AGPAT4: variants seen among roughly 807,000 people sequenced by gnomAD.
The protein encoded by AGPAT4 is 1-acyl-sn-glycerol-3-phosphate acyltransferase delta.
Under a neutral mutation model 48.0 loss-of-function variants are expected in AGPAT4, and 15 were observed. That is an observed-to-expected ratio of 0.31 (90% CI 0.21 to 0.48). The LOEUF is 0.48. Among genes scored for constraint, AGPAT4 ranks in the 20% least tolerant of loss-of-function variants. AGPAT4 has a pLI of 0.99. For synonymous variants in AGPAT4, 178 were observed against 198.7 expected (o/e 0.90, Z 0.88); for missense variants, 314 against 482.5 (o/e 0.65, Z 3.27).
rs6906489 is a variant in AGPAT4, at chr6:161,232,407, T to C, written c.-89-105A>G. ...AAATATACACTTGAGGTTAAACTCA[T>C]GTGCGTTAGTTGATTTATCTTTATT... is the stretch of plus-strand genomic sequence containing the variant. On this transcript the variant is annotated intron_variant, in intron 1 of 8. Coordinates refer to ENST00000320285, the MANE Select transcript of AGPAT4 (RefSeq NM_020133.3). This position sits in a 1 kb window ranked among gnomAD's most constrained non-coding sequence, Gnocchi z 6.8. 27,965 of 559,968 alleles carry C rather than the reference T, an allele frequency of 0.05. 943 individuals carry two copies. The highest frequency in any genetic ancestry group is 0.097 in the African/African-American group (5,173 of 53,364). The allele number at this position is 559,968 out of a possible 1,614,324, so 34.7% of individuals were successfully genotyped here.
At chr6:161,253,138 C>T (rs1285482436) in intron 1 of AGPAT4, among the ~76,000 whole-genome samples, 1 of 145,210 alleles carries the variant, frequency 6.9e-6, no homozygotes, top group African/African-American at 2.5e-5. Flanking sequence ...TCTTGAACCC[C>T]GGAGGTGGAG....
chr6:161,237,666 ACTATAT>A (rs1782327964), intron 1 of AGPAT4, among the ~76,000 whole-genome samples: 1 of 152,256 alleles, frequency 6.6e-6, no homozygotes, highest in Non-Finnish European at 1.5e-5. Context: ...TAAATCTATT[ACTATAT>A]CTATAACTAT....
chr6:161,161,185 T>C lies in AGPAT4; in HGVS notation c.348+5063A>G, dbSNP rs1472172615. ...TCAGACTCTGGCTTGTTAAAGACAC[T>C]GCCAGAGGATCCTGGTCAACAAAGA... is the stretch of plus-strand genomic sequence containing the variant. On this transcript the variant is annotated intron_variant, in intron 3 of 8. Coordinates refer to ENST00000320285, the MANE Select transcript of AGPAT4 (RefSeq NM_020133.3). The surrounding 1 kb of genome is among the most constrained non-coding windows in gnomAD (Gnocchi z 4.6). 1 of 456,710 alleles carries C rather than the reference T, an allele frequency of 2.2e-6. No individual in the cohort carries two copies. The highest frequency in any genetic ancestry group is 4.4e-6 in the Non-Finnish European group (1 of 226,958). The allele number at this position is 456,710 out of a possible 1,614,324, so 28.3% of individuals were successfully genotyped here.
At chr6:161,230,081 T>C (rs1394096601) in intron 2 of AGPAT4, among the ~76,000 whole-genome samples, 1 of 152,234 alleles carries the variant, frequency 6.6e-6, no homozygotes, top group Non-Finnish European at 1.5e-5. Flanking sequence ...TCTGCCTTGC[T>C]TTCTGAATTT....
At position 161,242,740 on chromosome 6, in the gene AGPAT4, A is replaced by G. The variant is rs1782528700; in HGVS notation, c.-89-10438T>C. On this transcript the variant is annotated intron_variant, in intron 1 of 8. Transcript: ENST00000320285. This position sits in a 1 kb window ranked among gnomAD's most constrained non-coding sequence, Gnocchi z 5.0. The stretch of plus-strand genomic sequence containing the variant: ...AGAAATGAAAAAAATTAATCTTCCA[A>G]ACAGGGGAAACGTCCACAACATTAT... Among the ~76,000 whole-genome samples the G allele has an allele frequency of 2.6e-5, 4 of 152,316 alleles. No individual in the cohort carries two copies. In the South Asian group the frequency reaches 8.3e-4, roughly 32 times the overall value.
intron 5 of AGPAT4, 83 bp downstream of exon 5, chr6:161,153,263 G>A: frequency 6.6e-7 from 1 of 1,505,674 alleles, no homozygotes; most frequent in Non-Finnish European, 8.9e-7. Flanking sequence ...AGTGCTGGCA[G>A]GAAGCAAGCT....
At position 161,234,671 on chromosome 6, in the gene AGPAT4, C is replaced by T. The variant is rs1482998757; in HGVS notation, c.-89-2369G>A. On this transcript the variant is annotated intron_variant, in intron 1 of 8. Coordinates refer to ENST00000320285, the MANE Select transcript of AGPAT4 (RefSeq NM_020133.3). The surrounding 1 kb of genome is among the most constrained non-coding windows in gnomAD (Gnocchi z 4.4). ...TTGTCCCCGGATTAGCCACTAATAGCGTCAAGACAATCTGGCCAGGCCAAG... is the reference window on the plus strand; with the variant it reads ...TTGTCCCCGGATTAGCCACTAATAGTGTCAAGACAATCTGGCCAGGCCAAG... Among the ~76,000 whole-genome samples the T allele has an allele frequency of 1.3e-5, 2 of 152,054 alleles. No individual in the cohort carries two copies. Among genetic ancestry groups the T allele is most frequent in the South Asian group, 2.1e-4 (1 of 4,816 alleles).
rs369950889 is a variant in AGPAT4 at position 161,149,327 on chromosome 6, G to A, written c.665-38C>T. ...AAACAAATACAAAGCAGTATATAGCGTGTGAACCCAATTTTGTTCTGTAGA... is the reference window on the plus strand; with the variant it reads ...AAACAAATACAAAGCAGTATATAGCATGTGAACCCAATTTTGTTCTGTAGA... On this transcript the variant is annotated intron_variant, in intron 5 of 8. Transcript: ENST00000320285. The surrounding 1 kb of genome is among the most constrained non-coding windows in gnomAD (Gnocchi z 6.5). The A allele has an allele frequency of 6.0e-5, 94 of 1,560,302 alleles. No individual in the cohort carries two copies. Among genetic ancestry groups the A allele is most frequent in the Non-Finnish European group, 7.3e-5 (85 of 1,158,896 alleles).
rs1047329504 is a variant in AGPAT4 at position 161,208,361 on chromosome 6, C to G, written c.178+23675G>C. Among the ~76,000 whole-genome samples the G allele has an allele frequency of 1.3e-5, 2 of 152,136 alleles. No homozygotes were observed. The highest frequency in any genetic ancestry group is 2.9e-5 in the Non-Finnish European group (2 of 68,028). On this transcript the variant is annotated intron_variant, in intron 2 of 8. Coordinates refer to ENST00000320285, the MANE Select transcript of AGPAT4 (RefSeq NM_020133.3). This position sits in a 1 kb window ranked among gnomAD's most constrained non-coding sequence, Gnocchi z 4.6. Reference sequence around the variant, plus strand: ...CATCTTTCTGGCTTTGGCAAGATCTCCCTTTTGTTCCCACCTTGAAGGCTT... The same window carrying G: ...CATCTTTCTGGCTTTGGCAAGATCTGCCTTTTGTTCCCACCTTGAAGGCTT...
chr6:161,149,597 A>G lies in AGPAT4; in HGVS notation c.665-308T>C, dbSNP rs777418044. Among the ~76,000 whole-genome samples, 17 of 151,468 alleles carry G rather than the reference A, an allele frequency of 1.1e-4. No homozygotes were observed. Among genetic ancestry groups the G allele is most frequent in the Non-Finnish European group, 2.4e-4 (16 of 67,928 alleles). ...GTCTCACTCTGTCACCCAGGAGTGC[A>G]GTGGTGCAATCTCGGCTCACTACAA... On this transcript the variant is annotated intron_variant, in intron 5 of 8. Transcript: ENST00000320285. This position sits in a 1 kb window ranked among gnomAD's most constrained non-coding sequence, Gnocchi z 6.5.
rs919199622 is a variant in AGPAT4, at chr6:161,184,133, G to A, written c.179-17716C>T. Among the ~76,000 whole-genome samples the A allele has an allele frequency of 6.6e-6, 1 of 152,080 alleles. No individual in the cohort carries two copies. The highest frequency in any genetic ancestry group is 1.5e-5 in the Non-Finnish European group (1 of 68,024). On this transcript the variant is annotated intron_variant, in intron 2 of 8. Transcript: ENST00000320285. The surrounding 1 kb of genome is among the most constrained non-coding windows in gnomAD (Gnocchi z 4.8). ...GAACTGGGGACACATTTCAGAGCAT[G>A]ACTTTGGCTGCTGTGTGGAGAAAGA... is the stretch of plus-strand genomic sequence containing the variant.
chr6:161,232,333 A>G lies in AGPAT4; in HGVS notation c.-89-31T>C. 9.9e-7 allele frequency: 1 copy of G among 1,011,194 alleles called. No homozygotes were observed. Among genetic ancestry groups the G allele is most frequent in the Non-Finnish European group, 1.4e-6 (1 of 707,888 alleles). The allele number at this position is 1,011,194 out of a possible 1,614,324, so 62.6% of individuals were successfully genotyped here. On this transcript the variant is annotated intron_variant, in intron 1 of 8. Coordinates refer to ENST00000320285, the MANE Select transcript of AGPAT4 (RefSeq NM_020133.3). The surrounding 1 kb of genome is among the most constrained non-coding windows in gnomAD (Gnocchi z 6.8). ...ACACAAACAAATAGGAAATGTTAGC[A>G]AAAACACGATGTGCTTTTAGAGTCA... is the stretch of plus-strand genomic sequence containing the variant.
At position 161,270,384 on chromosome 6, in the gene AGPAT4, G is replaced by A. The variant is rs1783387351; in HGVS notation, c.-90+3554C>T. 6.6e-6 allele frequency among the ~76,000 whole-genome samples: 1 copy of A among 152,152 alleles called. No homozygotes were observed. The highest frequency in any genetic ancestry group is 1.9e-4 in the East Asian group (1 of 5,192). On this transcript the variant is annotated intron_variant, in intron 1 of 8. Transcript: ENST00000320285. The surrounding 1 kb of genome is among the most constrained non-coding windows in gnomAD (Gnocchi z 5.3). ...ATGAATTTGAGTTGCCCAAGCTCTA[G>A]GAAATGTTACATGATTATTATGATT...
In AGPAT4 at chr6:161,236,429, CT is replaced by C. The variant is rs1782277354; in HGVS notation, c.-89-4128del. 6.6e-6 allele frequency among the ~76,000 whole-genome samples: 1 copy of C among 152,144 alleles called. No individual in the cohort carries two copies. Among genetic ancestry groups the C allele is most frequent in the Non-Finnish European group, 1.5e-5 (1 of 68,016 alleles). On this transcript the variant is annotated intron_variant, in intron 1 of 8. Coordinates refer to ENST00000320285, the MANE Select transcript of AGPAT4 (RefSeq NM_020133.3). This position sits in a 1 kb window ranked among gnomAD's most constrained non-coding sequence, Gnocchi z 5.0. ...AGTGAGCTCAGAAGCAGCGTTTAAC[CT>C]TTACTTTTTCCTGAAATTCACCCCA...
chr6:161,244,661 T>C lies in AGPAT4; in HGVS notation c.-89-12359A>G, dbSNP rs1182620896. Among the ~76,000 whole-genome samples the C allele has an allele frequency of 6.6e-6, 1 of 152,126 alleles. No homozygotes were observed. The highest frequency in any genetic ancestry group is 1.5e-5 in the Non-Finnish European group (1 of 68,006). ...ATAATACTGAACCACCAAACAGAGA[T>C]AGCGAACTGCATTCTCTGACATCTC... On this transcript the variant is annotated intron_variant, in intron 1 of 8. Transcript: ENST00000320285. This position sits in a 1 kb window ranked among gnomAD's most constrained non-coding sequence, Gnocchi z 4.7.
rs568261816 is a variant in AGPAT4, at chr6:161,206,062, G to T, written c.178+25974C>A. The stretch of plus-strand genomic sequence containing the variant: ...TGTACTCGTATGTTTTTTCAAGCCC[G>T]TGCGATGTAGACAAAAAAAGCCCCA... On this transcript the variant is annotated intron_variant, in intron 2 of 8. Transcript: ENST00000320285. This position sits in a 1 kb window ranked among gnomAD's most constrained non-coding sequence, Gnocchi z 4.8. Among the ~76,000 whole-genome samples the T allele has an allele frequency of 6.6e-6, 1 of 152,034 alleles. No individual in the cohort carries two copies. The highest frequency in any genetic ancestry group is 2.4e-5 in the African/African-American group (1 of 41,384).
Position 161,146,186 on chromosome 6 carries a change from A to T in AGPAT4, c.843+338T>A, listed in dbSNP as rs1030607768. Among the ~76,000 whole-genome samples, 8 of 151,536 alleles carry T rather than the reference A, an allele frequency of 5.3e-5. No individual in the cohort carries two copies. Among genetic ancestry groups the T allele is most frequent in the Admixed American group, 5.2e-4 (8 of 15,260 alleles). ...ACAACCAAATTGTTGATCCAGAAGC[A>T]ATCAAGACCATGTCCATTGCTGCGG... On this transcript the variant is annotated intron_variant, in intron 7 of 8. Transcript: ENST00000320285. The surrounding 1 kb of genome is among the most constrained non-coding windows in gnomAD (Gnocchi z 7.1).
intron 2 of AGPAT4, among the ~76,000 whole-genome samples, chr6:161,228,575 C>CT (rs10564297): frequency 1.7e-3 from 181 of 108,660 alleles, no homozygotes; most frequent in East Asian, 3.2e-3. Flanking sequence ...CACCCCCTGC[C>CT]TTTTTTTTTT....
At position 161,235,737 on chromosome 6, in the gene AGPAT4, G is replaced by A. The variant is rs1029306759; in HGVS notation, c.-89-3435C>T. On this transcript the variant is annotated intron_variant, in intron 1 of 8. Coordinates refer to ENST00000320285, the MANE Select transcript of AGPAT4 (RefSeq NM_020133.3). This position sits in a 1 kb window ranked among gnomAD's most constrained non-coding sequence, Gnocchi z 6.2. Reference sequence around the variant, plus strand: ...AGAGCGAGAGAGAGAGAAGGGGGAGGTGCCACACACTTTTAAACAACCAAA... The same window carrying A: ...AGAGCGAGAGAGAGAGAAGGGGGAGATGCCACACACTTTTAAACAACCAAA... Among the ~76,000 whole-genome samples, 3 of 151,960 alleles carry A rather than the reference G, an allele frequency of 2.0e-5. No homozygotes were observed. Among genetic ancestry groups the A allele is most frequent in the African/African-American group, 7.3e-5 (3 of 41,362 alleles).
Sources: gnomAD v4.1 joint callset for allele counts (sites outside exome capture counted in the v4.1 genomes callset) on GRCh38, gnomAD v4.1.1 for gene constraint, Gnocchi (gnomAD v3.1) non-coding constraint, MANE v1.5 for transcripts, NCBI Gene and HGNC (gene_info 2026-07-23, HGNC 2026-07-21) for gene names.